Variants in FAM53A observed in about 807,000 individuals in gnomAD.
FAM53A encodes the protein protein FAM53A.
FAM53A carries 28 observed loss-of-function variants against 26.6 expected under a neutral mutation model. The observed-to-expected ratio is 1.05, with a 90% CI of 0.78 to 1.45. FAM53A has a LOEUF of 1.45. Ranked by LOEUF, FAM53A falls within the 40% of genes most tolerant of loss-of-function variation. The pLI is 0.00. For synonymous variants in FAM53A, 290 were observed against 253.1 expected, an observed-to-expected ratio of 1.15 and a Z score of -1.38; for missense variants, 650 against 575.8, an observed-to-expected ratio of 1.13 and a Z score of -1.32.
upstream of FAM53A, among the ~76,000 whole-genome samples, chr4:1,685,087 G>A (rs1440592471): frequency 3.9e-5 from 6 of 152,304 alleles, no homozygotes; most frequent in East Asian, 7.7e-4. Flanking sequence ...GGGCTCGGGT[G>A]TGTCCTGGCT....
chr4:1,579,160 C>G, the FAM53A span, among the ~76,000 whole-genome samples: 1 of 151,400 alleles, frequency 6.6e-6, no homozygotes, highest in South Asian at 2.1e-4. Flanking sequence ...TCCAGGGGCT[C>G]CCGTCAGGCC....
chr4:1,678,727 C>T (rs745358403), intron 1 of FAM53A, among the ~76,000 whole-genome samples: 6 of 151,784 alleles, frequency 4.0e-5, no homozygotes, highest in Admixed American at 1.3e-4. Context: ...GAGGCTGAGG[C>T]AGGAGAATCA....
intron 1 of FAM53A, among the ~76,000 whole-genome samples, chr4:1,672,865 G>A (rs1714782566): frequency 6.9e-6 from 1 of 144,204 alleles, no homozygotes; most frequent in Non-Finnish European, 1.5e-5. Context: ...CGCCTCCCGG[G>A]TTCAAGCGAT....
chr4:1,648,652 G>A (rs757272990), intron 4 of FAM53A, among the ~76,000 whole-genome samples: 4 of 152,166 alleles, frequency 2.6e-5, no homozygotes, highest in Admixed American at 1.3e-4. Flanking sequence ...AGACCAAAGC[G>A]GCTGAATTTA....
intron 1 of FAM53A, among the ~76,000 whole-genome samples, chr4:1,623,740 A>AC (rs1164394832): frequency 6.6e-6 from 1 of 152,224 alleles, no homozygotes; most frequent in African/African-American, 2.4e-5. Flanking sequence ...CGCGGATCGG[A>AC]CGTTACCATA....
chr4:1,644,579 C>T (rs909312211), intron 4 of FAM53A: 3 of 472,850 alleles, frequency 6.3e-6, no homozygotes, highest in East Asian at 3.2e-5. Flanking sequence ...TGTCCCTGGG[C>T]GCCAGCCCCG....
At chr4:1,682,596 C>A (rs1715526181) in intron 1 of FAM53A, among the ~76,000 whole-genome samples, 1 of 152,078 alleles carries the variant, frequency 6.6e-6, no homozygotes, top group Non-Finnish European at 1.5e-5. Flanking sequence ...TTTCCCTGTT[C>A]CCAATGCACC....
At chr4:1,617,830 G>C, downstream of FAM53A, 1 of 355,368 alleles carries the variant, frequency 2.8e-6, no homozygotes, top group Admixed American at 3.8e-5. Flanking sequence ...GAGGACAGCA[G>C]AGCCTCAGGC....
chr4:1,654,331 C>A (rs1313832286), intron 4 of FAM53A, among the ~76,000 whole-genome samples: 1 of 152,252 alleles, frequency 6.6e-6, no homozygotes, highest in Non-Finnish European at 1.5e-5. Context: ...AGAGCAAGAC[C>A]TGGGAAAGCC....
chr4:1,641,610 G>A lies in FAM53A; in HGVS notation c.883-3C>T. On this transcript the variant is annotated splice_region_variant and splice_polypyrimidine_tract_variant and intron_variant, in intron 4 of 4. Transcript: ENST00000308132. ...AGGCTTTTTGAATTTTTTAAAGTCT[G>A]CAATAGAAAAGATACGGGCTTAAAG... 6.2e-7 allele frequency: 1 copy of A among 1,614,016 alleles called. No homozygotes were observed. The highest frequency in any genetic ancestry group is 8.5e-7 in the Non-Finnish European group (1 of 1,179,942).
At chr4:1,598,454 C>A in the FAM53A span, among the ~76,000 whole-genome samples, 1 of 152,216 alleles carries the variant, frequency 6.6e-6, no homozygotes, top group Non-Finnish European at 1.5e-5. Context: ...GGGCCGCAAT[C>A]CCCAAACAAT....
At chr4:1,677,737 C>T (rs1715139867) in intron 1 of FAM53A, among the ~76,000 whole-genome samples, 1 of 152,138 alleles carries the variant, frequency 6.6e-6, no homozygotes, top group African/African-American at 2.4e-5. Flanking sequence ...CAAGAGAACT[C>T]ACCCTGAGAC....
At chr4:1,616,355 C>T (rs1459678228), downstream of FAM53A, among the ~76,000 whole-genome samples, 10 of 152,174 alleles carry the variant, frequency 6.6e-5, no homozygotes, top group Non-Finnish European at 1.3e-4. Flanking sequence ...CCACCCCTCC[C>T]TACTGAGCCC....
At chr4:1,658,190 A>T (rs552223498) in intron 2 of FAM53A, among the ~76,000 whole-genome samples, 6 of 146,746 alleles carry the variant, frequency 4.1e-5, no homozygotes, top group African/African-American at 7.6e-5. Flanking sequence ...TTGTTTTTTT[A>T]AATATATTTT....
the FAM53A span, among the ~76,000 whole-genome samples, chr4:1,604,250 G>C: frequency 6.6e-6 from 1 of 152,194 alleles, no homozygotes; most frequent in African/African-American, 2.4e-5. Flanking sequence ...ACCCACCCAG[G>C]GCTGCCCAAG....
chr4:1,585,710 A>G, the FAM53A span, among the ~76,000 whole-genome samples: 1 of 152,070 alleles, frequency 6.6e-6, no homozygotes, highest in Non-Finnish European at 1.5e-5. Context: ...GTTCATCCAC[A>G]TTGTCAATAA....
rs1435040922 is a variant in FAM53A, at chr4:1,674,897, A to C, written c.-164-5992T>G. On this transcript the variant is annotated intron_variant, in intron 1 of 4. Coordinates refer to ENST00000308132, the MANE Select transcript of FAM53A (RefSeq NM_001174070.3). ...CCTCCCCCTTGGCAGTTCTGAGGCC[A>C]GTCTCCAGTCTGCGTGAGGGAAGTC... is the stretch of plus-strand genomic sequence containing the variant. Among the ~76,000 whole-genome samples, 5 of 152,306 alleles carry C rather than the reference A, an allele frequency of 3.3e-5. No individual in the cohort carries two copies. In the East Asian group the frequency reaches 5.8e-4, roughly 18 times the overall value.
At chr4:1,607,840 T>C in the FAM53A span, among the ~76,000 whole-genome samples, 1 of 151,836 alleles carries the variant, frequency 6.6e-6, no homozygotes, top group Non-Finnish European at 1.5e-5. Context: ...CTCGGGAGGC[T>C]GAGGCATGAG....
chr4:1,682,962 A>G (rs1715558916), intron 1 of FAM53A, among the ~76,000 whole-genome samples: 1 of 152,180 alleles, frequency 6.6e-6, no homozygotes, highest in South Asian at 2.1e-4. Context: ...ACAGAACACA[A>G]CAGAGGGACA....
Sources: allele counts gnomAD v4.1 joint callset (sites outside exome capture counted in the v4.1 genomes callset), GRCh38; gene constraint gnomAD v4.1.1; transcripts MANE v1.5; gene names NCBI Gene and HGNC (gene_info 2026-07-23, HGNC 2026-07-21).